Variants in PPP1R2 observed in about 807,000 individuals in gnomAD.
The protein encoded by PPP1R2 is protein phosphatase 1 regulatory inhibitor subunit 2, also known as protein phosphatase inhibitor 2.
PPP1R2 carries 16 observed loss-of-function variants against 29.9 expected under a neutral mutation model. That is an observed-to-expected ratio of 0.53 (90% CI 0.36 to 0.81). The LOEUF is 0.81. Ranked by LOEUF, PPP1R2 falls within the 30% of genes least tolerant of loss-of-function variation. The pLI is 0.00. For missense variants in PPP1R2, 197 were observed against 252.7 expected, an observed-to-expected ratio of 0.78 and a Z score of 1.49; for synonymous variants, 76 against 91.5, an observed-to-expected ratio of 0.83 and a Z score of 0.96.
intron 1 of PPP1R2, among the ~76,000 whole-genome samples, chr3:195,530,171 T>A (rs927370219): frequency 6.6e-6 from 1 of 152,240 alleles, no homozygotes; most frequent in Non-Finnish European, 1.5e-5. Context: ...ATTACCATAC[T>A]ATGACATGCT....
Position 195,516,844 on chromosome 3 carries a change from T to TA in PPP1R2, c.*51dup. The TA allele has an allele frequency of 2.0e-6, 3 of 1,501,800 alleles. No homozygotes were observed. In the Middle Eastern group the frequency reaches 5.1e-4, roughly 257 times the overall value. 93.0% of individuals were successfully genotyped at this position (1,501,800 alleles called of 1,614,324 possible). A position where few individuals can be genotyped will look rare whatever the true frequency, so the allele number is the denominator to read the frequency against. ...GTGAAGAACAAGAAGCAACGTACTA[T>TA]AGTCACAGGGTTTACATCTAACAAA... On this transcript the variant is annotated 3_prime_UTR_variant, in exon 6 of 6. Transcript: ENST00000618156.
chr3:195,541,221 G>A (rs143070228), intron 1 of PPP1R2, among the ~76,000 whole-genome samples: 1 of 152,128 alleles, frequency 6.6e-6, no homozygotes, highest in Non-Finnish European at 1.5e-5. Flanking sequence ...CCAATCCATA[G>A]ATTGGGCCCA....
At chr3:195,534,756 C>A (rs866832750) in intron 1 of PPP1R2, among the ~76,000 whole-genome samples, 1 of 152,158 alleles carries the variant, frequency 6.6e-6, no homozygotes, top group Non-Finnish European at 1.5e-5. Context: ...TGCAGTGGCA[C>A]AATCATAGCT....
At chr3:195,532,803 AAAGT>A (rs1158574888) in intron 1 of PPP1R2, among the ~76,000 whole-genome samples, 3 of 152,182 alleles carry the variant, frequency 2.0e-5, no homozygotes, top group African/African-American at 7.2e-5. Flanking sequence ...AAAAACCTTA[AAAGT>A]TAGTTATGTC....
Position 195,523,720 on chromosome 3 carries a change from C to T in PPP1R2, c.375G>A (p.Glu125=). The T allele has an allele frequency of 1.9e-6, 3 of 1,613,938 alleles. No homozygotes were observed. The highest frequency in any genetic ancestry group is 1.7e-6 in the Non-Finnish European group (2 of 1,179,844). Residue 125 remains glutamate, a synonymous_variant, in exon 4 of 6, where the codon GAG becomes GAA. Transcript: ENST00000618156. ...GTTCTTCAGGTGAGAGGTCACTATCCTCCTCTCCACTGCTTTCTTGTTCCT... is the reference window on the plus strand; with the variant it reads ...GTTCTTCAGGTGAGAGGTCACTATCTTCCTCTCCACTGCTTTCTTGTTCCT... ...RIQEQESSGE[E]DSDLSPEERE... is the part of the protein sequence containing the mutation.
chr3:195,515,049 T>TCAGA lies in PPP1R2; in HGVS notation c.*1843_*1846dup. The TCAGA allele has an allele frequency of 3.6e-6, 1 of 281,226 alleles. No individual in the cohort carries two copies. Among genetic ancestry groups the TCAGA allele is most frequent in the South Asian group, 3.9e-5 (1 of 25,390 alleles). The allele number at this position is 281,226 out of a possible 1,614,324, so 17.4% of individuals were successfully genotyped here. On this transcript the variant is annotated 3_prime_UTR_variant, in exon 6 of 6. Transcript: ENST00000618156. ...GAGTATGTGGGTACTTTCTAAGAACTCAGAAACAAGAAAACCAAAATCAGA... is the reference window on the plus strand; with the variant it reads ...GAGTATGTGGGTACTTTCTAAGAACTCAGACAGAAACAAGAAAACCAAAATCAGA...
intron 5 of PPP1R2, 116 bp from the exon 6 acceptor site, chr3:195,517,058 G>A: frequency 1.3e-6 from 1 of 798,770 alleles, no homozygotes; most frequent in Non-Finnish European, 2.1e-6. Context: ...AAACAAATAA[G>A]GTATATTTCA....
intron 4 of PPP1R2, among the ~76,000 whole-genome samples, chr3:195,521,155 A>T (rs1032740867): frequency 6.6e-6 from 1 of 151,854 alleles, no homozygotes; most frequent in Non-Finnish European, 1.5e-5. Context: ...CTCTACTGAA[A>T]ATACAAAAAA....
chr3:195,516,966 A>T (rs943079979), intron 5 of PPP1R2, 24 bp from the exon 6 acceptor site: 4 of 1,602,820 alleles, frequency 2.5e-6, no homozygotes, highest in Admixed American at 3.3e-5. Context: ...AGAAAAAGTC[A>T]ACATAATTTG....
intron 1 of PPP1R2, among the ~76,000 whole-genome samples, chr3:195,535,149 C>T (rs1275050179): frequency 6.6e-6 from 1 of 152,160 alleles, no homozygotes; most frequent in Non-Finnish European, 1.5e-5. Flanking sequence ...AACTGTTCCA[C>T]CTCAGATCAT....
At chr3:195,527,905 G>T in intron 2 of PPP1R2, 3 of 360,054 alleles carry the variant, frequency 8.3e-6, no homozygotes, top group South Asian at 2.1e-5. Context: ...GTATATACCT[G>T]CAATTTAGGA....
At chr3:195,540,925 A>AT (rs1453450586) in intron 1 of PPP1R2, among the ~76,000 whole-genome samples, 1 of 152,244 alleles carries the variant, frequency 6.6e-6, no homozygotes, top group African/African-American at 2.4e-5. Flanking sequence ...TACTAGTAGA[A>AT]TTAGTTTATT....
intron 1 of PPP1R2, among the ~76,000 whole-genome samples, chr3:195,535,559 A>G (rs997520111): frequency 6.6e-6 from 1 of 152,214 alleles, no homozygotes; most frequent in Non-Finnish European, 1.5e-5. Flanking sequence ...GGGTTTCAAG[A>G]TATGGATCCT....
Position 195,524,803 on chromosome 3 carries a change from G to A in PPP1R2, c.308+16C>T, listed in dbSNP as rs192492040. ...AACAGCCTAAGTGAAAATGTGCTCC[G>A]GTCATTAGTACTTACTTCCTGGCTA... On this transcript the variant is annotated intron_variant, in intron 3 of 5. Coordinates refer to ENST00000618156, the MANE Select transcript of PPP1R2 (RefSeq NM_006241.8). 8.8e-5 allele frequency: 142 copies of A among 1,613,056 alleles called. No homozygotes were observed. Among genetic ancestry groups the A allele is most frequent in the Middle Eastern group, 3.3e-4 (2 of 6,058 alleles).
At chr3:195,534,510 T>C (rs1347774759) in intron 1 of PPP1R2, among the ~76,000 whole-genome samples, 1 of 152,150 alleles carries the variant, frequency 6.6e-6, no homozygotes, top group Non-Finnish European at 1.5e-5. Context: ...CTTGTGCCAA[T>C]GCAGTAGGGT....
chr3:195,542,165 G>A (rs1012922299), intron 1 of PPP1R2, among the ~76,000 whole-genome samples: 1 of 151,972 alleles, frequency 6.6e-6, no homozygotes, highest in East Asian at 1.9e-4. Flanking sequence ...TTTTTTAAAG[G>A]CTAGTATATT....
intron 2 of PPP1R2, among the ~76,000 whole-genome samples, chr3:195,527,191 C>T (rs1299863783): frequency 6.6e-6 from 1 of 151,974 alleles, no homozygotes; most frequent in Non-Finnish European, 1.5e-5. Flanking sequence ...TGGCTCATGC[C>T]TGTAATCCCA....
rs1037429255 is a variant in PPP1R2 at position 195,516,584 on chromosome 3, T to C, written c.*312A>G. 2 of 263,960 alleles carry C rather than the reference T, an allele frequency of 7.6e-6. No homozygotes were observed. Among genetic ancestry groups the C allele is most frequent in the African/African-American group, 4.4e-5 (2 of 45,214 alleles). 16.4% of individuals were successfully genotyped at this position (263,960 alleles called of 1,614,324 possible). ...AATTAGTTCCCCCCCAAAGATATTG[T>C]TTAACTTCTAAAGCATAAAAAGCTC... On this transcript the variant is annotated 3_prime_UTR_variant, in exon 6 of 6. Transcript: ENST00000618156.
In PPP1R2 at chr3:195,516,818, T is replaced by C; in HGVS notation, c.*78A>G. The stretch of plus-strand genomic sequence containing the variant: ...GCATTTTGGTACTTAAGTCATGAAT[T>C]GTGAAGAACAAGAAGCAACGTACTA... On this transcript the variant is annotated 3_prime_UTR_variant, in exon 6 of 6. Coordinates refer to ENST00000618156, the MANE Select transcript of PPP1R2 (RefSeq NM_006241.8). 7.9e-7 allele frequency: 1 copy of C among 1,260,344 alleles called. No individual in the cohort carries two copies. Among genetic ancestry groups the C allele is most frequent in the Non-Finnish European group, 1.2e-6 (1 of 869,226 alleles). The allele number at this position is 1,260,344 out of a possible 1,614,324, so 78.1% of individuals were successfully genotyped here. A position where few individuals can be genotyped will look rare whatever the true frequency, so the allele number is the denominator to read the frequency against.
Sources: gnomAD v4.1 joint callset for allele counts (sites outside exome capture counted in the v4.1 genomes callset) on GRCh38, gnomAD v4.1.1 for gene constraint, MANE v1.5 for transcripts, NCBI Gene and HGNC (gene_info 2026-07-23, HGNC 2026-07-21) for gene names.